WWOX: variants seen among roughly 807,000 people sequenced by gnomAD.
WWOX encodes the protein WW domain-containing oxidoreductase.
In WWOX, 69 loss-of-function variants were observed where a neutral mutation model predicts 46.2. The ratio of observed to expected loss-of-function variants is 1.49; its 90% CI spans 1.23 to 1.82. WWOX has a LOEUF of 1.82. Among genes scored for constraint, WWOX ranks in the 40% most tolerant of loss-of-function variants. The probability of loss-of-function intolerance (pLI) is 0.00; values close to 1 mark genes in which losing one functional copy is unlikely to be tolerated. For missense variants in WWOX, 919 were observed against 542.6 expected (o/e 1.69, Z -6.89); for synonymous variants, 359 against 202.6 (o/e 1.77, Z -6.56).
intron 8 of WWOX, among the ~76,000 whole-genome samples, chr16:78,628,448 A>G (rs1251172906): frequency 1.3e-5 from 2 of 152,266 alleles, no homozygotes; most frequent in African/African-American, 2.4e-5. Context: ...ATTTCTATCA[A>G]GCTCCCAAGG....
At chr16:79,176,137 G>A (rs377210146) in intron 8 of WWOX, among the ~76,000 whole-genome samples, 11 of 152,316 alleles carry the variant, frequency 7.2e-5, no homozygotes, top group African/African-American at 2.4e-4. Flanking sequence ...AGTTAGGATA[G>A]GCTGAGCTAC....
intron 5 of WWOX, among the ~76,000 whole-genome samples, chr16:78,217,483 G>C (rs2036759207): frequency 6.6e-6 from 1 of 152,338 alleles, no homozygotes; most frequent in African/African-American, 2.4e-5. Context: ...AACTGCCTAA[G>C]ATGGAATATT....
intron 8 of WWOX, among the ~76,000 whole-genome samples, chr16:78,563,831 C>T (rs935980316): frequency 5.9e-5 from 9 of 152,180 alleles, no homozygotes; most frequent in Admixed American, 5.2e-4. Flanking sequence ...CATCCTTGCA[C>T]TGTGAAATTG....
At position 79,046,930 on chromosome 16, in the gene WWOX, C is replaced by A. The variant is rs1158258279; in HGVS notation, c.1057-164678C>A. On this transcript the variant is annotated intron_variant, in intron 8 of 8. Coordinates refer to ENST00000566780, the MANE Select transcript of WWOX (RefSeq NM_016373.4). ...GTTACTCAAATTCTTAAACAACTCACAACTCATTATCTCCCTTCCATGTAA... is the reference window on the plus strand; with the variant it reads ...GTTACTCAAATTCTTAAACAACTCAAAACTCATTATCTCCCTTCCATGTAA... Among the ~76,000 whole-genome samples the A allele has an allele frequency of 2.0e-5, 3 of 152,276 alleles. No homozygotes were observed. The South Asian group carries it at 6.2e-4, about 32-fold the overall frequency.
intron 5 of WWOX, among the ~76,000 whole-genome samples, chr16:78,373,432 A>T (rs941724871): frequency 6.6e-6 from 1 of 152,284 alleles, no homozygotes; most frequent in Middle Eastern, 3.4e-3. Context: ...AATTCATATG[A>T]GAAATAGCCC....
intron 8 of WWOX, among the ~76,000 whole-genome samples, chr16:78,539,124 G>A (rs187119480): frequency 1.3e-5 from 2 of 152,330 alleles, no homozygotes; most frequent in East Asian, 1.9e-4. Context: ...CTGCCTGTCT[G>A]TAGGCCTTTA....
At position 78,659,900 on chromosome 16, in the gene WWOX, C is replaced by A. The variant is rs147595442; in HGVS notation, c.1056+227148C>A. ...CGGGTCCCCAGGCTCAACTATCAGC[C>A]GCCTTCTCATCCCAAGGGCTGTCAC... On this transcript the variant is annotated intron_variant, in intron 8 of 8. Transcript: ENST00000566780. 2.1e-3 allele frequency among the ~76,000 whole-genome samples: 318 copies of A among 152,244 alleles called. 1 individual carries two copies. Among genetic ancestry groups the A allele is most frequent in the African/African-American group, 7.2e-3 (298 of 41,550 alleles).
intron 8 of WWOX, among the ~76,000 whole-genome samples, chr16:78,474,220 A>G (rs1310121116): frequency 3.3e-5 from 5 of 152,228 alleles, no homozygotes; most frequent in Admixed American, 2.0e-4. Flanking sequence ...ACATTGTTAG[A>G]AAACAGTTTT....
Position 78,345,936 on chromosome 16 carries a change from C to A in WWOX, c.517-40924C>A, listed in dbSNP as rs552911092. 1.6e-4 allele frequency among the ~76,000 whole-genome samples: 18 copies of A among 116,028 alleles called. 1 individual carries two copies. The South Asian group carries it at 4.4e-3, about 29-fold the overall frequency. 76.1% of individuals were successfully genotyped at this position (116,028 alleles called of 152,430 possible). Reference sequence around the variant, plus strand: ...AATTCAATGAGTTTTGACAGATGCACATGCCCATGAAACCAACACGAAAAT... The same window carrying A: ...AATTCAATGAGTTTTGACAGATGCAAATGCCCATGAAACCAACACGAAAAT... On this transcript the variant is annotated intron_variant, in intron 5 of 8. Coordinates refer to ENST00000566780, the MANE Select transcript of WWOX (RefSeq NM_016373.4).
chr16:78,542,018 C>CAAAAAAAAAAAAA lies in WWOX; in HGVS notation c.1056+109282_1056+109294dup, dbSNP rs548366256. ...GAGGGTTTCTTTCAACAGAGTATAC[C>CAAAAAAAAAAAAA]AAAAAAAAAAAAAAAAAAAAAAAAA... is the stretch of plus-strand genomic sequence containing the variant. On this transcript the variant is annotated intron_variant, in intron 8 of 8. Transcript: ENST00000566780. Among the ~76,000 whole-genome samples the CAAAAAAAAAAAAA allele has an allele frequency of 9.4e-4, 38 of 40,638 alleles. 6 individuals carry two copies. Among genetic ancestry groups the CAAAAAAAAAAAAA allele is most frequent in the Non-Finnish European group, 1.1e-3 (27 of 24,854 alleles). 26.7% of individuals were successfully genotyped at this position (40,638 alleles called of 152,430 possible).
At chr16:79,160,287 G>A (rs568547699) in intron 8 of WWOX, among the ~76,000 whole-genome samples, 3 of 152,122 alleles carry the variant, frequency 2.0e-5, no homozygotes, top group Non-Finnish European at 4.4e-5. Context: ...AGACTATTTC[G>A]TGAGAAAGAA....
At chr16:79,049,535 C>T (rs1187042135) in intron 8 of WWOX, among the ~76,000 whole-genome samples, 5 of 152,076 alleles carry the variant, frequency 3.3e-5, no homozygotes, top group South Asian at 2.1e-4. Flanking sequence ...GAGGGGCTTT[C>T]TCTTAAGACT....
chr16:78,865,714 T>C (rs2043988955), intron 8 of WWOX, among the ~76,000 whole-genome samples: 1 of 152,090 alleles, frequency 6.6e-6, no homozygotes, highest in Non-Finnish European at 1.5e-5. Flanking sequence ...ACCCCATCTC[T>C]ACTAAAAATA....
chr16:78,627,938 T>G (rs1342835312), intron 8 of WWOX, among the ~76,000 whole-genome samples: 1 of 152,224 alleles, frequency 6.6e-6, no homozygotes, highest in Non-Finnish European at 1.5e-5. Context: ...TTTTCTGCCT[T>G]GAGTGTCACC....
At position 78,623,459 on chromosome 16, in the gene WWOX, C is replaced by T. The variant is rs144539135; in HGVS notation, c.1056+190707C>T. 6.1e-3 allele frequency among the ~76,000 whole-genome samples: 927 copies of T among 152,268 alleles called. 6 individuals carry two copies. The highest frequency in any genetic ancestry group is 0.011 in the Non-Finnish European group (740 of 68,034). ...CTTTGGGAGACCAAGGCGGGCAGAT[C>T]ACCTGAGGTCATGAGTTCGAGACCA... On this transcript the variant is annotated intron_variant, in intron 8 of 8. Coordinates refer to ENST00000566780, the MANE Select transcript of WWOX (RefSeq NM_016373.4).
At chr16:78,984,742 A>G (rs2046751189) in intron 8 of WWOX, among the ~76,000 whole-genome samples, 1 of 152,232 alleles carries the variant, frequency 6.6e-6, no homozygotes, top group South Asian at 2.1e-4. Flanking sequence ...AGAAGTGGTC[A>G]GACTTTCTTC....
At chr16:78,533,748 C>G (rs2043688542) in intron 8 of WWOX, among the ~76,000 whole-genome samples, 1 of 152,194 alleles carries the variant, frequency 6.6e-6, no homozygotes, top group South Asian at 2.1e-4. Context: ...TCCAGAAAGC[C>G]TTCCCTGGAT....
chr16:78,636,982 C>G (rs975256599), intron 8 of WWOX, among the ~76,000 whole-genome samples: 2 of 152,142 alleles, frequency 1.3e-5, no homozygotes, highest in African/African-American at 4.8e-5. Flanking sequence ...TGTGCAATTC[C>G]CAACAGAGGC....
chr16:78,466,229 C>A (rs141821443), intron 8 of WWOX, among the ~76,000 whole-genome samples: 1,711 of 152,036 alleles, frequency 0.011, 20 homozygotes, highest in Middle Eastern at 0.027. Flanking sequence ...GACGGGGTTT[C>A]ATCGTGTTAC....
Sources: allele counts gnomAD v4.1 joint callset (sites outside exome capture counted in the v4.1 genomes callset), GRCh38; gene constraint gnomAD v4.1.1; transcripts MANE v1.5; gene names NCBI Gene and HGNC (gene_info 2026-07-23, HGNC 2026-07-21).